Variants in CCDC7 observed in about 807,000 individuals in gnomAD.
CCDC7 encodes coiled-coil domain containing 7, also known as coiled-coil domain-containing protein 7.
In CCDC7, 183 loss-of-function variants were observed where a neutral mutation model predicts 196.9. That is an observed-to-expected ratio of 0.93 (90% CI 0.82 to 1.05). CCDC7 has a LOEUF of 1.05. CCDC7 is among the 50% of genes least tolerant of loss of function. CCDC7 has a pLI of 0.00. For synonymous variants in CCDC7, 525 were observed against 484.6 expected, an observed-to-expected ratio of 1.08 and a Z score of -1.10; for missense variants, 1,540 against 1,482.2, an observed-to-expected ratio of 1.04 and a Z score of -0.64.
chr10:32,477,817 C>T (rs939129628), intron 8 of CCDC7, among the ~76,000 whole-genome samples: 1 of 152,130 alleles, frequency 6.6e-6, no homozygotes, highest in Non-Finnish European at 1.5e-5. Flanking sequence ...GTGTTGACTT[C>T]TCTGGGTCTA....
intron 23 of CCDC7, among the ~76,000 whole-genome samples, chr10:32,691,744 C>A (rs2077109035): frequency 1.3e-5 from 2 of 151,984 alleles, no homozygotes; most frequent in Admixed American, 1.3e-4. Context: ...CACAACTGTC[C>A]TCACTCCATC....
At chr10:32,755,444 C>T (rs1485577251) in intron 28 of CCDC7, among the ~76,000 whole-genome samples, 1 of 151,616 alleles carries the variant, frequency 6.6e-6, no homozygotes, top group African/African-American at 2.4e-5. Context: ...TAGGGAGTAA[C>T]ATTTGCTGTT....
At chr10:32,447,008 A>C (rs1269311728), upstream of CCDC7, among the ~76,000 whole-genome samples, 1 of 139,684 alleles carries the variant, frequency 7.2e-6, no homozygotes, top group African/African-American at 2.7e-5. Context: ...GACACAATGC[A>C]ATCCATAACA....
chr10:32,630,892 G>C lies in CCDC7; in HGVS notation c.1802-3362G>C, dbSNP rs1035638314. 9.9e-5 allele frequency among the ~76,000 whole-genome samples: 15 copies of C among 152,164 alleles called. 1 individual carries two copies. Among genetic ancestry groups the C allele is most frequent in the African/African-American group, 3.6e-4 (15 of 41,454 alleles). ...ATGGGGTCTACCCAACCTCTTGTGA[G>C]TTTAGCTGGCTTATATTCATTTTCA... On this transcript the variant is annotated intron_variant, in intron 18 of 41. Transcript: ENST00000639629.
chr10:32,612,840 C>T (rs1435481960), intron 18 of CCDC7, among the ~76,000 whole-genome samples: 1 of 150,882 alleles, frequency 6.6e-6, no homozygotes, highest in East Asian at 1.9e-4. Context: ...AGAATTTTTG[C>T]ATCGATGTTC....
chr10:32,852,453 G>C (rs2093599322), intron 40 of CCDC7, among the ~76,000 whole-genome samples: 1 of 151,834 alleles, frequency 6.6e-6, no homozygotes, highest in African/African-American at 2.4e-5. Context: ...TTATCACCCT[G>C]GTACATTTTC....
rs192845619 is a variant in CCDC7 at position 32,473,010 on chromosome 10, T to A, written c.739+468T>A. 1.4e-4 allele frequency among the ~76,000 whole-genome samples: 21 copies of A among 152,356 alleles called. No individual in the cohort carries two copies. The East Asian group carries it at 3.9e-3, about 28-fold the overall frequency. ...TTTAGATAATACTTAATAGTGAGTT[T>A]GATATTTTAATAAAAGTTTTTATTA... On this transcript the variant is annotated intron_variant, in intron 7 of 41. Coordinates refer to ENST00000639629, the Ensembl canonical transcript of CCDC7.
intron 24 of CCDC7, among the ~76,000 whole-genome samples, chr10:32,695,352 CAGAG>C (rs1180175988): frequency 8.5e-5 from 13 of 152,122 alleles, no homozygotes; most frequent in African/African-American, 2.9e-4. Context: ...AATTGGCAAA[CAGAG>C]AGATTGGTGA....
At chr10:32,612,690 C>G (rs1383773726) in intron 18 of CCDC7, among the ~76,000 whole-genome samples, 1 of 151,946 alleles carries the variant, frequency 6.6e-6, no homozygotes, top group African/African-American at 2.4e-5. Flanking sequence ...GTTTTTGTCA[C>G]TGGTTCTGTT....
chr10:32,669,871 G>T (rs2073703605), intron 21 of CCDC7, among the ~76,000 whole-genome samples: 1 of 151,936 alleles, frequency 6.6e-6, no homozygotes, highest in Non-Finnish European at 1.5e-5. Flanking sequence ...AACTTTCAGG[G>T]ACAGTAGAAT....
intron 30 of CCDC7, among the ~76,000 whole-genome samples, chr10:32,811,857 G>A (rs1033816293): frequency 9.9e-5 from 15 of 152,038 alleles, no homozygotes; most frequent in African/African-American, 1.7e-4. Context: ...AACATATCAG[G>A]AAGATAATGC....
chr10:32,619,694 ATCT>A (rs1363090681), intron 18 of CCDC7, among the ~76,000 whole-genome samples: 2 of 152,044 alleles, frequency 1.3e-5, no homozygotes. Context: ...AGCTCAAGCA[ATCT>A]TCTTCCTGCT....
rs1478227297 is a variant in CCDC7 at position 32,857,632 on chromosome 10, A to G, written c.4111+3143A>G. On this transcript the variant is annotated intron_variant, in intron 41 of 41. Coordinates refer to ENST00000639629, the Ensembl canonical transcript of CCDC7. Reference sequence around the variant, plus strand: ...AAATCTATGGGAAGCAGCAAAAGTAATTCTAAGAGGGAAGCTTATAGCAAT... The same window carrying G: ...AAATCTATGGGAAGCAGCAAAAGTAGTTCTAAGAGGGAAGCTTATAGCAAT... Among the ~76,000 whole-genome samples, 6 of 152,160 alleles carry G rather than the reference A, an allele frequency of 3.9e-5. No homozygotes were observed. The South Asian group carries it at 6.2e-4, about 16-fold the overall frequency.
chr10:32,851,902 C>G, exon 40 of CCDC7: 1 of 1,607,326 alleles, frequency 6.2e-7, no homozygotes, highest in Non-Finnish European at 8.5e-7. Context: ...TAAAGACATC[C>G]ACCTTCCTTT....
chr10:32,792,699 C>G (rs1300170835), intron 29 of CCDC7, among the ~76,000 whole-genome samples: 1 of 152,120 alleles, frequency 6.6e-6, no homozygotes, highest in Non-Finnish European at 1.5e-5. Context: ...GCTCGGGAGG[C>G]TGAGGCAGGA....
intron 21 of CCDC7, among the ~76,000 whole-genome samples, chr10:32,666,267 T>C (rs1301302022): frequency 6.6e-6 from 1 of 151,826 alleles, no homozygotes; most frequent in Non-Finnish European, 1.5e-5. Context: ...AAGATAATAA[T>C]ATAAATAGCT....
intron 40 of CCDC7, among the ~76,000 whole-genome samples, chr10:32,852,347 T>A (rs576038477): frequency 6.6e-6 from 1 of 152,310 alleles, no homozygotes; most frequent in South Asian, 2.1e-4. Context: ...GTTTTTCCCT[T>A]CCCTTCATTA....
At chr10:32,816,560 G>C (rs1019385823) in intron 31 of CCDC7, among the ~76,000 whole-genome samples, 1 of 152,156 alleles carries the variant, frequency 6.6e-6, no homozygotes, top group Non-Finnish European at 1.5e-5. Flanking sequence ...CCTGACCCTC[G>C]AGTAGCCTAA....
chr10:32,735,703 T>C (rs1031122053), intron 28 of CCDC7, among the ~76,000 whole-genome samples: 2 of 152,184 alleles, frequency 1.3e-5, no homozygotes, highest in African/African-American at 4.8e-5. Flanking sequence ...AATTTTTTAT[T>C]CATGGATTGT....
Sources: allele counts gnomAD v4.1 joint callset (sites outside exome capture counted in the v4.1 genomes callset), GRCh38; gene constraint gnomAD v4.1.1; transcripts MANE v1.5; gene names NCBI Gene and HGNC (gene_info 2026-07-23, HGNC 2026-07-21).